The following RERE variants were observed in gnomAD, a reference collection of about 807,000 sequenced individuals.
RERE encodes the protein arginine-glutamic acid dipeptide repeats protein.
RERE carries 40 observed loss-of-function variants against 146.1 expected under a neutral mutation model. The observed-to-expected ratio is 0.27, with a 90% CI of 0.21 to 0.36. The LOEUF (loss-of-function observed/expected upper bound fraction) is 0.36, where lower values mean the gene tolerates loss of function less well. Ranked by LOEUF, RERE falls within the 10% of genes least tolerant of loss-of-function variation. The pLI is 1.00. For missense variants in RERE, 1,933 were observed against 2,138.7 expected (o/e 0.90, Z 1.90); for synonymous variants, 1,003 against 866.0 (o/e 1.16, Z -2.78).
intron 12 of RERE, among the ~76,000 whole-genome samples, chr1:8,392,709 C>T (rs748676585): frequency 1.1e-4 from 16 of 152,142 alleles, no homozygotes; most frequent in Non-Finnish European, 1.9e-4. Context: ...GCATCTGTTA[C>T]GCCAGCACAC....
chr1:8,811,754 T>C (rs1312736951), intron 1 of RERE, among the ~76,000 whole-genome samples: 1 of 152,236 alleles, frequency 6.6e-6, no homozygotes, highest in African/African-American at 2.4e-5. Flanking sequence ...TGCAGGACTG[T>C]CTGAAGATGC....
At chr1:8,676,711 C>T (rs911072576) in intron 1 of RERE, among the ~76,000 whole-genome samples, 3 of 152,252 alleles carry the variant, frequency 2.0e-5, no homozygotes, top group Admixed American at 6.5e-5. Context: ...CTCTGTGGTC[C>T]CCAGGGAGTT....
chr1:8,742,310 C>T (rs534355490), intron 1 of RERE, among the ~76,000 whole-genome samples: 48 of 152,194 alleles, frequency 3.2e-4, no homozygotes, highest in South Asian at 1.0e-3. Context: ...TCCTCTCTGA[C>T]ACTCCCAAAG....
At chr1:8,452,574 A>G (rs1331746263) in intron 11 of RERE, among the ~76,000 whole-genome samples, 2 of 152,238 alleles carry the variant, frequency 1.3e-5, no homozygotes, top group Non-Finnish European at 2.9e-5. Context: ...CAAATAAAAA[A>G]AAAGTCACTT....
intron 12 of RERE, among the ~76,000 whole-genome samples, chr1:8,404,195 T>G (rs895430724): frequency 6.6e-6 from 1 of 152,104 alleles, no homozygotes; most frequent in Non-Finnish European, 1.5e-5. Flanking sequence ...TTTCAGAGGC[T>G]GAGGTGGGTG....
intron 11 of RERE, among the ~76,000 whole-genome samples, chr1:8,446,378 T>A (rs1302454906): frequency 6.6e-6 from 1 of 152,220 alleles, no homozygotes; most frequent in African/African-American, 2.4e-5. Context: ...CTTCCCTTTG[T>A]GGGTAACCTG....
At chr1:8,487,317 T>C (rs977937761) in intron 10 of RERE, among the ~76,000 whole-genome samples, 2 of 152,152 alleles carry the variant, frequency 1.3e-5, no homozygotes, top group Non-Finnish European at 2.9e-5. Context: ...GTGCAGTGGC[T>C]TACACCTATA....
chr1:8,363,477 G>C (rs1641675189), intron 15 of RERE, among the ~76,000 whole-genome samples: 1 of 152,178 alleles, frequency 6.6e-6, no homozygotes, highest in African/African-American at 2.4e-5. Flanking sequence ...AGAGGAAAGT[G>C]GATGGTCCCA....
At chr1:8,509,189 C>T (rs1405916961) in intron 7 of RERE, among the ~76,000 whole-genome samples, 4 of 152,006 alleles carry the variant, frequency 2.6e-5, no homozygotes, top group Non-Finnish European at 4.4e-5. Context: ...TCAAGGGATC[C>T]GCCTGCCTCG....
At chr1:8,810,130 C>T (rs1641777239) in intron 1 of RERE, among the ~76,000 whole-genome samples, 1 of 151,176 alleles carries the variant, frequency 6.6e-6, no homozygotes, top group Non-Finnish European at 1.5e-5. Flanking sequence ...CTCAGCCTTC[C>T]GAGTACTGGG....
At chr1:8,794,078 ATTT>A (rs879924042) in intron 1 of RERE, among the ~76,000 whole-genome samples, 1 of 144,442 alleles carries the variant, frequency 6.9e-6, no homozygotes, top group Non-Finnish European at 1.5e-5. Flanking sequence ...AAAAAAAAAA[ATTT>A]TTTTTTTTTG....
intron 7 of RERE, among the ~76,000 whole-genome samples, chr1:8,516,204 G>GA (rs1645412593): frequency 8.3e-6 from 1 of 120,028 alleles, no homozygotes; most frequent in South Asian, 2.6e-4. Context: ...CAGCCTGGGG[G>GA]ACGGAGCAAG....
Position 8,364,517 on chromosome 1 carries a change from C to T in RERE, c.1540+229G>A, listed in dbSNP as rs188992093. 1.3e-5 allele frequency among the ~76,000 whole-genome samples: 2 copies of T among 152,120 alleles called. No individual in the cohort carries two copies. The highest frequency in any genetic ancestry group is 4.1e-4 in the South Asian group (2 of 4,830). On this transcript the variant is annotated intron_variant, in intron 14 of 22. Coordinates refer to ENST00000400908, the MANE Select transcript of RERE (RefSeq NM_001042681.2). The surrounding 1 kb of genome is among the most constrained non-coding windows in gnomAD (Gnocchi z 5.1). ...CTCCTGGGAACTACAGTGTCAACCC[C>T]CCAATCCCACTCAATCTGTCCTGCC...
chr1:8,359,852 T>G lies in RERE; in HGVS notation c.3530A>C (p.Lys1177Thr), dbSNP rs1641485416. 19 of 1,611,518 alleles carry G rather than the reference T, an allele frequency of 1.2e-5. No homozygotes were observed. Among genetic ancestry groups the G allele is most frequent in the Non-Finnish European group, 1.6e-5 (19 of 1,179,972 alleles). Residue 1177 changes from lysine (K) to threonine (T), a missense_variant, in exon 19 of 23, where the codon AAA (lysine) becomes ACA (threonine). Transcript: ENST00000400908. ...CTCCCGCTCTCGCTCCTCTCGGGCT[T>G]TCTGCTCAGCCTCGCGCTTGGCCTT... ...IEKAKREAEQKAREEREREKE... is the reference protein window; with the variant it reads ...IEKAKREAEQTAREEREREKE...
chr1:8,688,160 G>A (rs1452342422), intron 1 of RERE, among the ~76,000 whole-genome samples: 1 of 152,176 alleles, frequency 6.6e-6, no homozygotes, highest in Non-Finnish European at 1.5e-5. Flanking sequence ...TTTCAGTTCA[G>A]GGCACAGCGA....
chr1:8,484,317 A>C (rs1027435440), intron 10 of RERE, among the ~76,000 whole-genome samples: 2 of 152,224 alleles, frequency 1.3e-5, no homozygotes, highest in Non-Finnish European at 2.9e-5. Flanking sequence ...CAAACACTGT[A>C]TGAGGAAACA....
chr1:8,682,365 G>C (rs1377332861), intron 1 of RERE, among the ~76,000 whole-genome samples: 1 of 152,072 alleles, frequency 6.6e-6, no homozygotes, highest in Non-Finnish European at 1.5e-5. Flanking sequence ...CACAGCCTTT[G>C]AATTTGCTTA....
chr1:8,363,724 T>A (rs1410327458), intron 15 of RERE: 2 of 315,942 alleles, frequency 6.3e-6, no homozygotes, highest in Non-Finnish European at 1.2e-5. Context: ...AGCCTGCAAG[T>A]TTAAAATAGC....
intron 10 of RERE, among the ~76,000 whole-genome samples, chr1:8,493,525 C>G (rs140002820): frequency 1.1e-4 from 16 of 152,274 alleles, no homozygotes; most frequent in South Asian, 6.2e-4. Context: ...CAGATATCTA[C>G]GTTTCCTCAA....
Sources: gnomAD v4.1 joint callset for allele counts (sites outside exome capture counted in the v4.1 genomes callset) on GRCh38, gnomAD v4.1.1 for gene constraint, Gnocchi (gnomAD v3.1) non-coding constraint, MANE v1.5 for transcripts, NCBI Gene and HGNC (gene_info 2026-07-23, HGNC 2026-07-21) for gene names.